Variants in NCAPD3 observed in about 807,000 individuals in gnomAD.
NCAPD3 encodes the protein non-SMC condensin II complex subunit D3, also known as condensin-2 complex subunit D3.
Under a neutral mutation model 182.9 loss-of-function variants are expected in NCAPD3, and 105 were observed. That is an observed-to-expected ratio of 0.57 (90% CI 0.49 to 0.68). NCAPD3 has a LOEUF of 0.68. Ranked by LOEUF, NCAPD3 falls within the 30% of genes least tolerant of loss-of-function variation. The probability of loss-of-function intolerance (pLI) is 0.00; values close to 1 mark genes in which losing one functional copy is unlikely to be tolerated. For missense variants in NCAPD3, 1,944 were observed against 1,837.0 expected (o/e 1.06, Z -1.07); for synonymous variants, 815 against 679.9 (o/e 1.20, Z -3.09).
At chr11:134,161,356 C>T (rs1943574982) in intron 28 of NCAPD3, among the ~76,000 whole-genome samples, 1 of 152,180 alleles carries the variant, frequency 6.6e-6, no homozygotes, top group African/African-American at 2.4e-5. Context: ...GCTCCGAAGG[C>T]AGCTCCTGCA....
rs180826507 is a variant in NCAPD3, at chr11:134,172,320, A to G, written c.3102-3266T>C. 5.1e-4 allele frequency among the ~76,000 whole-genome samples: 78 copies of G among 152,194 alleles called. 2 individuals carry two copies. Among genetic ancestry groups the G allele is most frequent in the African/African-American group, 1.6e-3 (68 of 41,520 alleles). The stretch of plus-strand genomic sequence containing the variant: ...CCAGTGACCATCCCATCTGGACCCA[A>G]TGTCACCAGTGCAGCCACGTCGTGG... On this transcript the variant is annotated intron_variant, in intron 24 of 34. Transcript: ENST00000534548.
intron 22 of NCAPD3, chr11:134,177,809 A>C: frequency 4.4e-6 from 1 of 229,690 alleles, no homozygotes; most frequent in Non-Finnish European, 8.6e-6. Context: ...GATTATACAT[A>C]TCCTCTACAG....
chr11:134,179,254 C>T (rs894886380), intron 20 of NCAPD3, among the ~76,000 whole-genome samples: 4 of 152,120 alleles, frequency 2.6e-5, no homozygotes, highest in African/African-American at 4.8e-5. Context: ...GATACATCTA[C>T]CTATAACCCT....
Position 134,220,723 on chromosome 11 carries a change from C to T in NCAPD3, c.68G>A (p.Trp23Ter), listed in dbSNP as rs1399293581. 6.2e-7 allele frequency: 1 copy of T among 1,612,368 alleles called. No individual in the cohort carries two copies. The highest frequency in any genetic ancestry group is 8.5e-7 in the Non-Finnish European group (1 of 1,178,686). The change falls in exon 2 of 35, where the codon TGG becomes TAG. Residue 23 changes from tryptophan to a stop codon, truncating the protein, a stop_gained. Coordinates refer to ENST00000534548, the MANE Select transcript of NCAPD3 (RefSeq NM_015261.3). LOFTEE classifies it high-confidence loss of function. ...ATCCAGTTCCCACACTGTGTCAACC[C>T]ATTCTAGGGGAAAATGCAATGAAAT... ...PWCPLDLRLE[W>*]VDTVWELDFT...
intron 32 of NCAPD3, chr11:134,154,103 G>A (rs530227229): frequency 6.6e-6 from 1 of 152,474 alleles, no homozygotes; most frequent in South Asian, 2.1e-4. Flanking sequence ...TCTTAAGTGG[G>A]TATAAAAACA....
intron 27 of NCAPD3, among the ~76,000 whole-genome samples, chr11:134,165,384 C>T (rs1333231459): frequency 6.9e-6 from 1 of 145,456 alleles, no homozygotes; most frequent in East Asian, 2.1e-4. Flanking sequence ...AGATAAGCTT[C>T]GGGGAAGGGG....
Position 134,177,475 on chromosome 11 carries a change from A to C in NCAPD3, c.2783-18T>G, listed in dbSNP as rs1166936945. 1 of 1,594,562 alleles carries C rather than the reference A, an allele frequency of 6.3e-7. No homozygotes were observed. The highest frequency in any genetic ancestry group is 2.2e-5 in the East Asian group (1 of 44,602). ...CAGCTTACCTGGCACAGAAGACAGG[A>C]AGATGTCTCAACTGTATTCTAAATC... On this transcript the variant is annotated intron_variant, in intron 22 of 34. Coordinates refer to ENST00000534548, the MANE Select transcript of NCAPD3 (RefSeq NM_015261.3).
At chr11:134,196,903 G>A (rs951613287) in intron 13 of NCAPD3, among the ~76,000 whole-genome samples, 4 of 152,062 alleles carry the variant, frequency 2.6e-5, no homozygotes, top group Admixed American at 1.3e-4. Flanking sequence ...AGAAAACAAC[G>A]GATATAGTTT....
At chr11:134,172,344 G>A (rs1203197952) in intron 24 of NCAPD3, among the ~76,000 whole-genome samples, 1 of 152,162 alleles carries the variant, frequency 6.6e-6, no homozygotes, top group Non-Finnish European at 1.5e-5. Flanking sequence ...GCCACGTCGT[G>A]GACCCTGTTG....
intron 13 of NCAPD3, 37 bp from the exon 14 acceptor site, chr11:134,194,775 G>A (rs1944592199): frequency 6.9e-7 from 1 of 1,451,944 alleles, no homozygotes; most frequent in Non-Finnish European, 9.5e-7. Context: ...CACAGCTGGA[G>A]AAAAGTCACA....
intron 24 of NCAPD3, among the ~76,000 whole-genome samples, chr11:134,174,763 G>A (rs145800164): frequency 3.9e-5 from 6 of 152,166 alleles, no homozygotes; most frequent in African/African-American, 1.2e-4. Context: ...AATGATAAAT[G>A]TTTGAGGTGA....
chr11:134,175,230 C>T (rs774835289), intron 24 of NCAPD3, among the ~76,000 whole-genome samples: 9 of 152,158 alleles, frequency 5.9e-5, no homozygotes, highest in Non-Finnish European at 1.2e-4. Context: ...GTTAAGTAAC[C>T]GATTTTACCT....
intron 2 of NCAPD3, among the ~76,000 whole-genome samples, chr11:134,219,381 C>A (rs1367812155): frequency 1.3e-5 from 2 of 152,188 alleles, no homozygotes; most frequent in Non-Finnish European, 2.9e-5. Flanking sequence ...CCACCCCCTG[C>A]AACTGCATGT....
At position 134,177,446 on chromosome 11, in the gene NCAPD3, A is replaced by G. The variant is rs1565534718; in HGVS notation, c.2794T>C (p.Leu932=). The change falls in exon 23 of 35, where the codon TTA becomes CTA. Residue 932 remains leucine, a synonymous_variant. Coordinates refer to ENST00000534548, the MANE Select transcript of NCAPD3 (RefSeq NM_015261.3). ...HAIITLGKLC[L]QHEDLAKKSI... is the part of the protein sequence containing the mutation. The stretch of plus-strand genomic sequence containing the variant: ...TTCTTTGCCAGATCCTCGTGCTGTA[A>G]GCACAGCTTACCTGGCACAGAAGAC... 1.2e-6 allele frequency: 2 copies of G among 1,613,188 alleles called. No homozygotes were observed. The highest frequency in any genetic ancestry group is 1.7e-5 in the Admixed American group (1 of 60,014).
chr11:134,225,377 C>T, upstream of NCAPD3: 1 of 1,607,570 alleles, frequency 6.2e-7, no homozygotes, highest in Non-Finnish European at 8.5e-7. Context: ...CCTCCCCCAG[C>T]GCCGACAGCC....
chr11:134,177,974 G>C (rs1367635860), intron 22 of NCAPD3: 1 of 151,924 alleles, frequency 6.6e-6, no homozygotes, highest in Non-Finnish European at 1.5e-5. Context: ...GAAATGTTTT[G>C]CAATTCTTAG....
rs1391248467 is a variant in NCAPD3 at position 134,151,095 on chromosome 11, GAGA to G, written c.*1846_*1848del. 1 of 152,296 alleles carries G rather than the reference GAGA, an allele frequency of 6.6e-6. No individual in the cohort carries two copies. Among genetic ancestry groups the G allele is most frequent in the Non-Finnish European group, 1.5e-5 (1 of 68,060 alleles). 9.4% of individuals were successfully genotyped at this position (152,296 alleles called of 1,614,324 possible). On this transcript the variant is annotated 3_prime_UTR_variant, in exon 35 of 35. Coordinates refer to ENST00000534548, the MANE Select transcript of NCAPD3 (RefSeq NM_015261.3). ...AAGTGCTGTAAAGCAAGGAGCTGCT[GAGA>G]AGGAGCACTCCACTGTGTGCCTGGA...
In NCAPD3 at chr11:134,161,825, T is replaced by C. The variant is rs752699495; in HGVS notation, c.3640A>G (p.Lys1214Glu). The C allele has an allele frequency of 3.1e-6, 5 of 1,595,592 alleles. No individual in the cohort carries two copies. Among genetic ancestry groups the C allele is most frequent in the Non-Finnish European group, 4.3e-6 (5 of 1,166,462 alleles). Residue 1214 changes from lysine (K) to glutamate (E), a missense_variant, in exon 28 of 35, where the codon AAA (lysine) becomes GAA (glutamate). By Grantham distance (56) the Lys-to-Glu change is moderately conservative. Coordinates refer to ENST00000534548, the MANE Select transcript of NCAPD3 (RefSeq NM_015261.3). Reference protein sequence around the residue: ...IIISLKTVLEKNKIPALRELM... With the variant: ...IIISLKTVLEENKIPALRELM... Reference sequence around the variant, plus strand: ...TCCCGCAAAGCTGGGATCTTATTTTTCTCCAGCACAGTCTTCAGGGAGATG... The same window carrying C: ...TCCCGCAAAGCTGGGATCTTATTTTCCTCCAGCACAGTCTTCAGGGAGATG...
chr11:134,193,897 C>T, intron 15 of NCAPD3, 119 bp downstream of exon 15: 1 of 996,242 alleles, frequency 1.0e-6, no homozygotes, highest in African/African-American at 1.6e-5. Flanking sequence ...TACAGTTCTA[C>T]AGTGGACTTA....
Sources: gnomAD v4.1 joint callset for allele counts (sites outside exome capture counted in the v4.1 genomes callset) on GRCh38, gnomAD v4.1.1 for gene constraint, MANE v1.5 for transcripts, NCBI Gene and HGNC (gene_info 2026-07-23, HGNC 2026-07-21) for gene names.